Variants in TAFA5 observed in about 807,000 individuals in gnomAD.
TAFA5 encodes TAFA chemokine like family member 5, also known as chemokine-like protein TAFA-5.
A neutral mutation model predicts 15.3 loss-of-function variants in TAFA5; 6 were observed. That is an observed-to-expected ratio of 0.39 (90% CI 0.21 to 0.77). The LOEUF (loss-of-function observed/expected upper bound fraction) is 0.77. TAFA5 is among the 30% of genes least tolerant of loss of function. The pLI, the probability that TAFA5 is intolerant of heterozygous loss-of-function variation, is 0.41. For missense variants in TAFA5, 161 were observed against 193.1 expected (o/e 0.83, Z 0.98); for synonymous variants, 103 against 80.7 (o/e 1.28, Z -1.48).
chr22:48,711,477 C>T (rs903794843), intron 3 of TAFA5, among the ~76,000 whole-genome samples: 2 of 151,952 alleles, frequency 1.3e-5, no homozygotes, highest in Non-Finnish European at 2.9e-5. Context: ...AGAGCCGGCT[C>T]CTAATGGAAT....
intron 1 of TAFA5, among the ~76,000 whole-genome samples, chr22:48,523,319 C>A (rs917866387): frequency 6.6e-6 from 1 of 152,228 alleles, no homozygotes; most frequent in Non-Finnish European, 1.5e-5. Flanking sequence ...CACTTAAACA[C>A]CATCCAGGGG....
rs373021097 is a variant in TAFA5 at position 48,646,607 on chromosome 22, C to T, written c.123C>T (p.Ala41=). 58 of 1,612,454 alleles carry T rather than the reference C, an allele frequency of 3.6e-5. No individual in the cohort carries two copies. In the Admixed American group the frequency reaches 4.5e-4, roughly 13 times the overall value. The change falls in exon 2 of 4, where the codon GCC becomes GCT. Residue 41 remains alanine, a synonymous_variant. Coordinates refer to ENST00000402357, the MANE Select transcript of TAFA5 (RefSeq NM_001082967.3). The part of the protein sequence containing the change: ...SLLIAYCSQL[A]AGTCEIVTLD... Reference sequence around the variant, plus strand: ...TGCTCCTCTCTGCAGGTCAGCTGGCCGCCGGCACCTGTGAGATTGTGACCT... The same window carrying T: ...TGCTCCTCTCTGCAGGTCAGCTGGCTGCCGGCACCTGTGAGATTGTGACCT...
intron 1 of TAFA5, among the ~76,000 whole-genome samples, chr22:48,534,564 C>T (rs1922085622): frequency 6.6e-6 from 1 of 152,148 alleles, no homozygotes; most frequent in Non-Finnish European, 1.5e-5. Context: ...GCAGTTGAGC[C>T]CACAGGGCCC....
chr22:48,646,884 C>T, intron 2 of TAFA5, 138 bp downstream of exon 2: 2 of 1,115,408 alleles, frequency 1.8e-6, no homozygotes, highest in Non-Finnish European at 2.5e-6. Context: ...TGGCTGTTGG[C>T]ACAGCTGTTC....
rs111715393 is a variant in TAFA5 at position 48,612,527 on chromosome 22, C to T, written c.113-34070C>T. ...GCCTCGTCTCTCCTGGACCCTCCAG[C>T]CCTCCCATCCAGTGGGCTCTTCCGA... On this transcript the variant is annotated intron_variant, in intron 1 of 3. Coordinates refer to ENST00000402357, the MANE Select transcript of TAFA5 (RefSeq NM_001082967.3). Among the ~76,000 whole-genome samples the T allele has an allele frequency of 8.5e-3, 1,296 of 152,244 alleles. 15 individuals carry two copies. The highest frequency in any genetic ancestry group is 0.028 in the African/African-American group (1,145 of 41,536).
intron 3 of TAFA5, among the ~76,000 whole-genome samples, chr22:48,744,013 G>A (rs559670127): frequency 6.6e-6 from 1 of 152,204 alleles, no homozygotes; most frequent in Non-Finnish European, 1.5e-5. Flanking sequence ...CAGTCCTAGG[G>A]CTGGGTTTGC....
chr22:48,744,465 C>T (rs1308160405), intron 3 of TAFA5, among the ~76,000 whole-genome samples: 1 of 152,172 alleles, frequency 6.6e-6, no homozygotes, highest in South Asian at 2.1e-4. Context: ...GTGGCCCTCC[C>T]CAGGCCATGA....
rs926784179 is a variant in TAFA5, at chr22:48,490,426, C to T, written c.112+722C>T. ...GCTGAGGGCTGGGGTAGGGGGTGAC[C>T]GCCGCGGGCTCCCTGTTGCCTGGAG... On this transcript the variant is annotated intron_variant, in intron 1 of 3. Transcript: ENST00000402357. This position sits in a 1 kb window ranked among gnomAD's most constrained non-coding sequence, Gnocchi z 5.8. 4.6e-5 allele frequency among the ~76,000 whole-genome samples: 7 copies of T among 151,524 alleles called. No individual in the cohort carries two copies. Among genetic ancestry groups the T allele is most frequent in the Admixed American group, 4.6e-4 (7 of 15,246 alleles).
chr22:48,656,520 A>T (rs977465723), intron 2 of TAFA5, among the ~76,000 whole-genome samples: 1 of 151,906 alleles, frequency 6.6e-6, no homozygotes, highest in Non-Finnish European at 1.5e-5. Flanking sequence ...AAAAAGAAAC[A>T]ATGAAATTAT....
At chr22:48,744,769 T>A (rs921517433) in intron 3 of TAFA5, among the ~76,000 whole-genome samples, 18 of 152,158 alleles carry the variant, frequency 1.2e-4, no homozygotes, top group African/African-American at 4.3e-4. Context: ...TTTTCTTTAT[T>A]TTTTTTGAGA....
chr22:48,517,184 C>T (rs888099367), intron 1 of TAFA5, among the ~76,000 whole-genome samples: 1 of 152,178 alleles, frequency 6.6e-6, no homozygotes, highest in African/African-American at 2.4e-5. Context: ...GAGGCCTTTC[C>T]AGACTGGGCA....
chr22:48,528,075 C>T lies in TAFA5; in HGVS notation c.112+38371C>T, dbSNP rs978508060. 3.5e-4 allele frequency among the ~76,000 whole-genome samples: 53 copies of T among 152,328 alleles called. 1 individual carries two copies. The highest frequency in any genetic ancestry group is 1.2e-3 in the African/African-American group (48 of 41,594). ...AGCTGGCTTGGCCGCCTGGGCCCCC[C>T]GGGGCCCCCCGGTGCCTGTCCTCTC... On this transcript the variant is annotated intron_variant, in intron 1 of 3. Transcript: ENST00000402357.
intron 1 of TAFA5, chr22:48,576,541 C>T (rs773751241): frequency 6.6e-7 from 1 of 1,518,198 alleles, no homozygotes; most frequent in Non-Finnish European, 8.9e-7. Context: ...CTTCCTCGTC[C>T]TAGTGATCCA....
intron 2 of TAFA5, among the ~76,000 whole-genome samples, chr22:48,653,729 G>A (rs576437752): frequency 2.8e-4 from 43 of 152,308 alleles, no homozygotes; most frequent in African/African-American, 8.7e-4. Context: ...GACGGTTGGA[G>A]CCAGGGTGTT....
chr22:48,587,965 G>A (rs1165769807), intron 1 of TAFA5, among the ~76,000 whole-genome samples: 4 of 152,196 alleles, frequency 2.6e-5, no homozygotes, highest in Admixed American at 2.6e-4. Context: ...AGCTAGGCGG[G>A]CTCCTTGTTC....
chr22:48,564,895 C>G (rs2147134577), intron 1 of TAFA5, among the ~76,000 whole-genome samples: 1 of 152,360 alleles, frequency 6.6e-6, no homozygotes, highest in East Asian at 1.9e-4. Flanking sequence ...GACACCCGCC[C>G]CCCAGTGGCC....
chr22:48,582,998 A>G lies in TAFA5; in HGVS notation c.113-63599A>G, dbSNP rs1924141157. Reference sequence around the variant, plus strand: ...ACAAAATACACCACACACAAAATAAACCACACACAAAATACACCACACACC... The same window carrying G: ...ACAAAATACACCACACACAAAATAAGCCACACACAAAATACACCACACACC... On this transcript the variant is annotated intron_variant, in intron 1 of 3. Transcript: ENST00000402357. 2.1e-5 allele frequency among the ~76,000 whole-genome samples: 3 copies of G among 142,192 alleles called. No individual in the cohort carries two copies. The South Asian group carries it at 6.9e-4, about 33-fold the overall frequency. The allele number at this position is 142,192 out of a possible 152,430, so 93.3% of individuals were successfully genotyped here.
chr22:48,607,497 G>A (rs1409551983), intron 1 of TAFA5, among the ~76,000 whole-genome samples: 1 of 138,550 alleles, frequency 7.2e-6, no homozygotes, highest in African/African-American at 2.8e-5. Flanking sequence ...GATTAGGGCT[G>A]GCCCACCCAT....
chr22:48,723,336 C>G (rs1929624443), intron 3 of TAFA5, among the ~76,000 whole-genome samples: 1 of 152,194 alleles, frequency 6.6e-6, no homozygotes, highest in South Asian at 2.1e-4. Flanking sequence ...ATCCAAATTA[C>G]TTTAAATGTC....
Sources: allele counts gnomAD v4.1 joint callset (sites outside exome capture counted in the v4.1 genomes callset), GRCh38; gene constraint gnomAD v4.1.1; non-coding constraint Gnocchi (gnomAD v3.1); transcripts MANE v1.5; gene names NCBI Gene and HGNC (gene_info 2026-07-23, HGNC 2026-07-21).